ADAMTS3: variants seen among roughly 807,000 people sequenced by gnomAD.
ADAMTS3 encodes A disintegrin and metalloproteinase with thrombospondin motifs 3.
In ADAMTS3, 73 loss-of-function variants were observed where a neutral mutation model predicts 129.0. The observed-to-expected ratio is 0.57, with a 90% CI of 0.47 to 0.69. The LOEUF is 0.69. Ranked by LOEUF, ADAMTS3 falls within the 30% of genes least tolerant of loss-of-function variation. ADAMTS3 has a pLI of 0.00. For missense variants in ADAMTS3, 1,457 were observed against 1,514.5 expected, an observed-to-expected ratio of 0.96 and a Z score of 0.63; for synonymous variants, 477 against 510.8, an observed-to-expected ratio of 0.93 and a Z score of 0.89.
At chr4:72,323,147 T>C in intron 5 of ADAMTS3, 50 bp from the exon 6 acceptor site, 1 of 1,415,568 alleles carries the variant, frequency 7.1e-7, no homozygotes. Flanking sequence ...ACCGAGGATT[T>C]CATGAGATGT....
At chr4:72,434,860 G>A (rs553609453) in intron 3 of ADAMTS3, among the ~76,000 whole-genome samples, 7 of 151,764 alleles carry the variant, frequency 4.6e-5, no homozygotes, top group Non-Finnish European at 7.4e-5. Flanking sequence ...GCAGTGAGCC[G>A]TCTATGCAGA....
At chr4:72,556,371 TA>T (rs1721766802) in intron 2 of ADAMTS3, among the ~76,000 whole-genome samples, 2 of 151,770 alleles carry the variant, frequency 1.3e-5, no homozygotes, top group Non-Finnish European at 2.9e-5. Flanking sequence ...AAATATCCCC[TA>T]GGGGATACCA....
intron 4 of ADAMTS3, among the ~76,000 whole-genome samples, chr4:72,410,807 A>G (rs957398527): frequency 6.6e-6 from 1 of 152,072 alleles, no homozygotes; most frequent in Admixed American, 6.6e-5. Context: ...AAAGAGTTTC[A>G]AAATGTCATT....
At chr4:72,319,564 G>A (rs1285431295) in intron 8 of ADAMTS3, 89 bp from the exon 9 acceptor site, 45 of 1,437,772 alleles carry the variant, frequency 3.1e-5, no homozygotes, top group South Asian at 5.6e-5. Context: ...GGGAAATAAC[G>A]TATTTTTGAG....
intron 12 of ADAMTS3, 76 bp from the exon 13 acceptor site, chr4:72,312,542 G>T: frequency 6.8e-7 from 1 of 1,462,444 alleles, no homozygotes; most frequent in Non-Finnish European, 9.3e-7. Context: ...CAGTGCTTGA[G>T]GGCACAAAGC....
chr4:72,319,475 C>A lies in ADAMTS3; in HGVS notation c.1209G>T (p.Val403=), dbSNP rs1344745090. Residue 403 remains valine (V), a splice_region_variant and synonymous_variant, in exon 9 of 22, where the codon GTG becomes GTT. Coordinates refer to ENST00000286657, the MANE Select transcript of ADAMTS3 (RefSeq NM_014243.3). ...CTTGTCCATCATGCTCCATTCCCAACCTAGAACACAAAGAGACCTCAGTGG... is the reference window on the plus strand; with the variant it reads ...CTTGTCCATCATGCTCCATTCCCAAACTAGAACACAAAGAGACCTCAGTGG... ...AFVVAHETGH[V]LGMEHDGQGN... 13 of 1,609,376 alleles carry A rather than the reference C, an allele frequency of 8.1e-6. No homozygotes were observed. The highest frequency in any genetic ancestry group is 4.5e-5 in the East Asian group (2 of 44,746).
intron 3 of ADAMTS3, among the ~76,000 whole-genome samples, chr4:72,465,992 TTC>T (rs1718907699): frequency 6.6e-6 from 1 of 152,076 alleles, no homozygotes; most frequent in South Asian, 2.1e-4. Flanking sequence ...TCAATTAAAC[TTC>T]TTTCCTTTAT....
intron 5 of ADAMTS3, among the ~76,000 whole-genome samples, chr4:72,333,774 C>A (rs1440720776): frequency 6.6e-6 from 1 of 150,642 alleles, no homozygotes; most frequent in African/African-American, 2.4e-5. Context: ...CTTTAAGTCT[C>A]AATTTAATAA....
At chr4:72,446,057 G>C (rs1718244550) in intron 3 of ADAMTS3, among the ~76,000 whole-genome samples, 3 of 151,526 alleles carry the variant, frequency 2.0e-5, no homozygotes, top group South Asian at 4.2e-4. Flanking sequence ...TGTGAAAGGA[G>C]GGCTCCCTCA....
intron 3 of ADAMTS3, among the ~76,000 whole-genome samples, chr4:72,481,256 A>G (rs1347575023): frequency 1.3e-5 from 2 of 152,190 alleles, no homozygotes; most frequent in Non-Finnish European, 2.9e-5. Context: ...GACAATTTTG[A>G]AAAATAATAA....
chr4:72,319,677 T>C (rs1719500962), intron 8 of ADAMTS3, among the ~76,000 whole-genome samples, 181 bp downstream of exon 8: 2 of 152,220 alleles, frequency 1.3e-5, no homozygotes, highest in African/African-American at 4.8e-5. Context: ...GGAGTGCCTC[T>C]GCAAGCCAGT....
intron 3 of ADAMTS3, among the ~76,000 whole-genome samples, chr4:72,481,995 A>C (rs1224316069): frequency 6.6e-6 from 1 of 152,136 alleles, no homozygotes; most frequent in Non-Finnish European, 1.5e-5. Context: ...AAACATAGTG[A>C]CATCACCAAA....
intron 3 of ADAMTS3, among the ~76,000 whole-genome samples, chr4:72,449,661 T>TA (rs1241926556): frequency 6.6e-6 from 1 of 151,750 alleles, no homozygotes; most frequent in African/African-American, 2.4e-5. Context: ...CATACCATAT[T>TA]ATCCTTCTGC....
Position 72,568,701 on chromosome 4 carries a change from T to C in ADAMTS3, c.62A>G (p.Asp21Gly), listed in dbSNP as rs1722085467. Residue 21 changes from aspartate to glycine, a missense_variant, in exon 1 of 22, where the codon GAT becomes GGT. Asp to Gly is a moderately conservative substitution (Grantham distance 94). Transcript: ENST00000286657. ...AALVEVRTSA[D>G]GQAGNEEMVQ... ...TTATTATTTTCCACTTACTTGTCCATCAGCTGAAGTCCTAACCTCTACCAG... is the reference window on the plus strand; with the variant it reads ...TTATTATTTTCCACTTACTTGTCCACCAGCTGAAGTCCTAACCTCTACCAG... 2 of 1,613,236 alleles carry C rather than the reference T, an allele frequency of 1.2e-6. No individual in the cohort carries two copies. Among genetic ancestry groups the C allele is most frequent in the South Asian group, 2.2e-5 (2 of 91,026 alleles).
Position 72,319,959 on chromosome 4 carries a change from A to T in ADAMTS3, c.1107T>A (p.Tyr369Ter). The change falls in exon 8 of 22, where the codon TAT becomes TAA. Residue 369 changes from tyrosine (Y) to a stop codon, truncating the protein, a stop_gained. Transcript: ENST00000286657. LOFTEE classifies it high-confidence loss of function. ...QDFGPAGMQG[Y>*]APVTGMCHPV... is the part of the protein sequence containing the mutation. ...GATGACACATGCCGGTGACTGGAGC[A>T]TATCCTGTAGAGAATAACAATTACT... 6.2e-7 allele frequency: 1 copy of T among 1,610,022 alleles called. No individual in the cohort carries two copies. The highest frequency in any genetic ancestry group is 1.1e-5 in the South Asian group (1 of 90,996).
chr4:72,505,409 T>G (rs550106849), intron 3 of ADAMTS3, among the ~76,000 whole-genome samples: 1 of 152,274 alleles, frequency 6.6e-6, no homozygotes, highest in African/African-American at 2.4e-5. Flanking sequence ...TATAAGTCAG[T>G]AGATGGCGCT....
At chr4:72,405,742 C>T (rs532449492) in intron 4 of ADAMTS3, among the ~76,000 whole-genome samples, 22 of 152,168 alleles carry the variant, frequency 1.4e-4, no homozygotes, top group African/African-American at 5.3e-4. Flanking sequence ...ACTGGGAAGA[C>T]AATGGTTGTA....
intron 4 of ADAMTS3, among the ~76,000 whole-genome samples, chr4:72,345,685 T>C (rs1720261420): frequency 6.6e-6 from 1 of 152,168 alleles, no homozygotes; most frequent in African/African-American, 2.4e-5. Context: ...CGTTATTTCT[T>C]TTCCCCAAAA....
intron 4 of ADAMTS3, among the ~76,000 whole-genome samples, chr4:72,368,036 T>C (rs1420622534): frequency 6.6e-6 from 1 of 152,148 alleles, no homozygotes; most frequent in Non-Finnish European, 1.5e-5. Context: ...AACAAAAATA[T>C]AGATACTCGT....
Sources: allele counts gnomAD v4.1 joint callset (sites outside exome capture counted in the v4.1 genomes callset), GRCh38; gene constraint gnomAD v4.1.1; transcripts MANE v1.5; gene names NCBI Gene and HGNC (gene_info 2026-07-23, HGNC 2026-07-21).